The following KCNQ1 variants were observed in gnomAD, a reference collection of about 807,000 sequenced individuals.
The protein encoded by KCNQ1 is potassium voltage-gated channel subfamily KQT member 1.
Under a neutral mutation model 72.4 loss-of-function variants are expected in KCNQ1, and 49 were observed. The ratio of observed to expected loss-of-function variants is 0.68; its 90% CI spans 0.54 to 0.86. The LOEUF is 0.86. Among genes scored for constraint, KCNQ1 ranks in the 40% least tolerant of loss-of-function variants. KCNQ1 has a pLI of 0.00. For synonymous variants in KCNQ1, 450 were observed against 412.6 expected (o/e 1.09, Z -1.10); for missense variants, 790 against 945.1 (o/e 0.84, Z 2.15).
Position 2,526,465 on chromosome 11 carries a change from G to A in KCNQ1, c.387-1463G>A, listed in dbSNP as rs985557090. Among the ~76,000 whole-genome samples the A allele has an allele frequency of 6.6e-6, 1 of 152,114 alleles. No individual in the cohort carries two copies. The highest frequency in any genetic ancestry group is 2.4e-5 in the African/African-American group (1 of 41,416). Reference sequence around the variant, plus strand: ...AGGGAGGAACCCAGGGAGGGGGCCTGAGCAGGGTCTTTGGCTGAGTGAGCC... The same window carrying A: ...AGGGAGGAACCCAGGGAGGGGGCCTAAGCAGGGTCTTTGGCTGAGTGAGCC... On this transcript the variant is annotated intron_variant, in intron 1 of 15. Transcript: ENST00000155840. This position sits in a 1 kb window ranked among gnomAD's most constrained non-coding sequence, Gnocchi z 6.1.
At chr11:2,697,148 A>G (rs1323699859) in intron 11 of KCNQ1, 1 of 398,484 alleles carries the variant, frequency 2.5e-6, no homozygotes, top group Non-Finnish European at 4.4e-6. Context: ...CCATGACCCC[A>G]GTGGAATATG....
Position 2,815,774 on chromosome 11 carries a change from G to A in KCNQ1, c.1795-31993G>A, listed in dbSNP as rs2134047195. Among the ~76,000 whole-genome samples, 1 of 152,264 alleles carries A rather than the reference G, an allele frequency of 6.6e-6. No homozygotes were observed. Among genetic ancestry groups the A allele is most frequent in the Non-Finnish European group, 1.5e-5 (1 of 68,002 alleles). ...AGGATGGGGGCCCTGGAGGTACTGG[G>A]TGGAGCTGCCCCCAGCCCTTCCTGC... is the stretch of plus-strand genomic sequence containing the variant. On this transcript the variant is annotated intron_variant, in intron 15 of 15. Coordinates refer to ENST00000155840, the MANE Select transcript of KCNQ1 (RefSeq NM_000218.3). The surrounding 1 kb of genome is among the most constrained non-coding windows in gnomAD (Gnocchi z 5.4).
In KCNQ1 at chr11:2,826,341, C is replaced by G. The variant is rs898171360; in HGVS notation, c.1795-21426C>G. Among the ~76,000 whole-genome samples, 4 of 152,372 alleles carry G rather than the reference C, an allele frequency of 2.6e-5. No individual in the cohort carries two copies. In the East Asian group the frequency reaches 7.7e-4, roughly 29 times the overall value. On this transcript the variant is annotated intron_variant, in intron 15 of 15. Coordinates refer to ENST00000155840, the MANE Select transcript of KCNQ1 (RefSeq NM_000218.3). This position sits in a 1 kb window ranked among gnomAD's most constrained non-coding sequence, Gnocchi z 4.2. ...TTAACCCTTCGGGCTCCAGTATTCCCCAGCTTCCCAGGGTCTCCTGGCAGT... is the reference window on the plus strand; with the variant it reads ...TTAACCCTTCGGGCTCCAGTATTCCGCAGCTTCCCAGGGTCTCCTGGCAGT...
At chr11:2,722,622 T>G (rs1383323974) in intron 11 of KCNQ1, among the ~76,000 whole-genome samples, 1 of 152,098 alleles carries the variant, frequency 6.6e-6, no homozygotes, top group Non-Finnish European at 1.5e-5. Flanking sequence ...GGGGAGCTGA[T>G]GAGAGCGATG....
intron 1 of KCNQ1, among the ~76,000 whole-genome samples, chr11:2,499,955 A>G (rs907315274): frequency 6.6e-6 from 1 of 152,220 alleles, no homozygotes; most frequent in Non-Finnish European, 1.5e-5. Flanking sequence ...AAAAAATTGA[A>G]ATACTATCAA....
intron 11 of KCNQ1, chr11:2,694,006 C>T: frequency 5.0e-6 from 2 of 398,710 alleles, no homozygotes; most frequent in Middle Eastern, 6.3e-4. Context: ...CTCTAGGCCA[C>T]CTCCAACTTG....
rs1846641219 is a variant in KCNQ1 at position 2,773,725 on chromosome 11, C to G, written c.1591-2235C>G. On this transcript the variant is annotated intron_variant, in intron 12 of 15. Coordinates refer to ENST00000155840, the MANE Select transcript of KCNQ1 (RefSeq NM_000218.3). Reference sequence around the variant, plus strand: ...AAACAGGGCTCAGTGTCCCATCTTCCAAAAGGGAGGATCAGGGCTCAATAT... The same window carrying G: ...AAACAGGGCTCAGTGTCCCATCTTCGAAAAGGGAGGATCAGGGCTCAATAT... Among the ~76,000 whole-genome samples, 4 of 111,292 alleles carry G rather than the reference C, an allele frequency of 3.6e-5. No homozygotes were observed. The South Asian group carries it at 1.0e-3, about 29-fold the overall frequency. 73.0% of individuals were successfully genotyped at this position (111,292 alleles called of 152,430 possible).
Position 2,803,808 on chromosome 11 carries a change from C to T in KCNQ1, c.1794+25771C>T, listed in dbSNP as rs1847321279. 6.6e-6 allele frequency among the ~76,000 whole-genome samples: 1 copy of T among 152,282 alleles called. No individual in the cohort carries two copies. The highest frequency in any genetic ancestry group is 2.1e-4 in the South Asian group (1 of 4,824). On this transcript the variant is annotated intron_variant, in intron 15 of 15. Transcript: ENST00000155840. This position sits in a 1 kb window ranked among gnomAD's most constrained non-coding sequence, Gnocchi z 6.4. ...CCTCTCATCCCCACCTCGGGCCCAC[C>T]AGCTCCCACCCTGCTATGCCCATGG... is the stretch of plus-strand genomic sequence containing the variant.
rs1850305721 is a variant in KCNQ1 at position 2,677,014 on chromosome 11, G to C, written c.1514+14933G>C. On this transcript the variant is annotated intron_variant, in intron 11 of 15. Transcript: ENST00000155840. This position sits in a 1 kb window ranked among gnomAD's most constrained non-coding sequence, Gnocchi z 4.5. ...AGAGTTTCATTGTGCCATGATTTAT[G>C]GAACAGATCCTCTGTTGATGGATAT... is the stretch of plus-strand genomic sequence containing the variant. 1 of 398,470 alleles carries C rather than the reference G, an allele frequency of 2.5e-6. No individual in the cohort carries two copies. Among genetic ancestry groups the C allele is most frequent in the African/African-American group, 2.1e-5 (1 of 48,624 alleles). 24.7% of individuals were successfully genotyped at this position (398,470 alleles called of 1,614,324 possible). A position where few individuals can be genotyped will look rare whatever the true frequency, so the allele number is the denominator to read the frequency against.
At chr11:2,585,184 C>T (rs773410709) in intron 7 of KCNQ1, 28 bp from the exon 8 acceptor site, 32 of 1,599,550 alleles carry the variant, frequency 2.0e-5, no homozygotes, top group Admixed American at 3.3e-5. Flanking sequence ...CCTGTGTGGA[C>T]GGGAGCCTCC....
rs1846306133 is a variant in KCNQ1, at chr11:2,463,356, A to G, written c.386+17872A>G. ...TGCTGAGGATACATTTGCCCCCTCT[A>G]TCCCCCAGATCGGCGGCTGCTCAAG... is the stretch of plus-strand genomic sequence containing the variant. On this transcript the variant is annotated intron_variant, in intron 1 of 15. Transcript: ENST00000155840. The surrounding 1 kb of genome is among the most constrained non-coding windows in gnomAD (Gnocchi z 7.0). Among the ~76,000 whole-genome samples, 1 of 152,152 alleles carries G rather than the reference A, an allele frequency of 6.6e-6. No homozygotes were observed. The highest frequency in any genetic ancestry group is 1.5e-5 in the Non-Finnish European group (1 of 68,000).
intron 1 of KCNQ1, among the ~76,000 whole-genome samples, chr11:2,453,561 G>A (rs750108367): frequency 1.3e-5 from 2 of 152,226 alleles, no homozygotes; most frequent in Non-Finnish European, 2.9e-5. Context: ...GAACATGTGA[G>A]AAGGTGCCGC....
chr11:2,800,723 T>C (rs1590097801), intron 15 of KCNQ1, among the ~76,000 whole-genome samples: 1 of 152,210 alleles, frequency 6.6e-6, no homozygotes, highest in Non-Finnish European at 1.5e-5. Flanking sequence ...TGACTCAGTT[T>C]CTTCAACCCT....
In KCNQ1 at chr11:2,767,947, G is replaced by A. The variant is rs1035023022; in HGVS notation, c.1515-897G>A. 6.6e-6 allele frequency among the ~76,000 whole-genome samples: 1 copy of A among 152,210 alleles called. No individual in the cohort carries two copies. The highest frequency in any genetic ancestry group is 1.5e-5 in the Non-Finnish European group (1 of 68,048). ...CACTAGCCCACTGGGCCCCCACCCT[G>A]TTGGGTGTCAGTGCTCCCCAAACTG... On this transcript the variant is annotated intron_variant, in intron 11 of 15. Transcript: ENST00000155840. The surrounding 1 kb of genome is among the most constrained non-coding windows in gnomAD (Gnocchi z 4.6).
intron 15 of KCNQ1, among the ~76,000 whole-genome samples, chr11:2,831,408 T>C (rs898726233): frequency 2.0e-5 from 3 of 152,078 alleles, no homozygotes; most frequent in Admixed American, 6.5e-5. Context: ...CCTGGAACAC[T>C]GTGGGGCTGT....
rs1415604854 is a variant in KCNQ1, at chr11:2,462,331, CTCTGACTTGCCTCCTCCTCCT to C, written c.386+16864_386+16884del. Among the ~76,000 whole-genome samples the C allele has an allele frequency of 4.6e-5, 7 of 152,206 alleles. No individual in the cohort carries two copies. The highest frequency in any genetic ancestry group is 1.9e-4 in the East Asian group (1 of 5,194). ...CAGAGGCGATGTCTAGGGCCACCCC[CTCTGACTTGCCTCCTCCTCCT>C]TCTGACTTGCCTCCTCTCTCTGACG... On this transcript the variant is annotated intron_variant, in intron 1 of 15. Coordinates refer to ENST00000155840, the MANE Select transcript of KCNQ1 (RefSeq NM_000218.3). This position sits in a 1 kb window ranked among gnomAD's most constrained non-coding sequence, Gnocchi z 8.2.
At chr11:2,714,008 C>T (rs1189321882) in intron 11 of KCNQ1, among the ~76,000 whole-genome samples, 2 of 151,430 alleles carry the variant, frequency 1.3e-5, no homozygotes, top group Non-Finnish European at 3.0e-5. Context: ...TGGGGGGCGC[C>T]TTGGGGCACC....
At chr11:2,681,932 A>G (rs1850405046) in intron 11 of KCNQ1, 3 of 398,474 alleles carry the variant, frequency 7.5e-6, no homozygotes, top group Admixed American at 4.4e-5. Flanking sequence ...GCTGAAGAAT[A>G]ATCTTCAAAT....
In KCNQ1 at chr11:2,483,276, A is replaced by G. The variant is rs990146022; in HGVS notation, c.386+37792A>G. Among the ~76,000 whole-genome samples the G allele has an allele frequency of 5.3e-5, 8 of 152,332 alleles. No individual in the cohort carries two copies. Among genetic ancestry groups the G allele is most frequent in the Admixed American group, 3.3e-4 (5 of 15,304 alleles). ...GGTGTGAGTGATGAGGGACAACATC[A>G]GTCCTCTCTTGGCTTCTGTACTTTA... On this transcript the variant is annotated intron_variant, in intron 1 of 15. Transcript: ENST00000155840. The surrounding 1 kb of genome is among the most constrained non-coding windows in gnomAD (Gnocchi z 6.1).
Sources: allele counts gnomAD v4.1 joint callset (sites outside exome capture counted in the v4.1 genomes callset), GRCh38; gene constraint gnomAD v4.1.1; non-coding constraint Gnocchi (gnomAD v3.1); transcripts MANE v1.5; gene names NCBI Gene and HGNC (gene_info 2026-07-23, HGNC 2026-07-21).